CLEC2A: variants seen among roughly 807,000 people sequenced by gnomAD.
The protein encoded by CLEC2A is C-type lectin domain family 2 member A.
CLEC2A carries 19 observed loss-of-function variants against 18.6 expected under a neutral mutation model. The observed-to-expected ratio is 1.02, with a 90% CI of 0.71 to 1.50. CLEC2A has a LOEUF of 1.50. Ranked by LOEUF, CLEC2A falls within the 40% of genes most tolerant of loss-of-function variation. CLEC2A has a pLI of 0.00. For missense variants in CLEC2A, 190 were observed against 207.9 expected, an observed-to-expected ratio of 0.91 and a Z score of 0.53; for synonymous variants, 74 against 64.0, an observed-to-expected ratio of 1.16 and a Z score of -0.75.
At chr12:9,924,766 A>G (rs7135016) in intron 2 of CLEC2A, among the ~76,000 whole-genome samples, 1 of 152,192 alleles carries the variant, frequency 6.6e-6, no homozygotes, top group Non-Finnish European at 1.5e-5. Context: ...AGTTCAGAAC[A>G]TGATGCCCCG....
chr12:9,922,110 A>T lies in CLEC2A; in HGVS notation c.262T>A (p.Leu88Met), dbSNP rs566191703. 5.4e-5 allele frequency: 83 copies of T among 1,550,558 alleles called. No individual in the cohort carries two copies. In the East Asian group the frequency reaches 1.9e-3, roughly 35 times the overall value. Residue 88 changes from leucine (L) to methionine (M), a missense_variant, in exon 3 of 5, where the codon TTG (leucine) becomes ATG (methionine). Physicochemically the swap from Leu to Met is conservative, Grantham distance 15. Coordinates refer to ENST00000455827, the MANE Select transcript of CLEC2A (RefSeq NM_001130711.2). The stretch of plus-strand genomic sequence containing the variant: ...ATCTGAGCAAGTTCTGCTTTCTGCA[A>T]ACTACAAAATATTTTACTGGCTGTC... Reference protein sequence around the residue: ...NWTASKIFCSLQKAELAQIDT... With the variant: ...NWTASKIFCSMQKAELAQIDT...
intron 4 of CLEC2A, among the ~76,000 whole-genome samples, chr12:9,906,621 G>T (rs1862911471): frequency 6.6e-6 from 1 of 152,114 alleles, no homozygotes; most frequent in Non-Finnish European, 1.5e-5. Flanking sequence ...TTTAAAGCCT[G>T]GCTTAATGCA....
intron 4 of CLEC2A, 75 bp from the exon 5 acceptor site, chr12:9,913,755 A>G (rs886726738): frequency 1.6e-5 from 15 of 938,398 alleles, no homozygotes; most frequent in Middle Eastern, 2.1e-4. Flanking sequence ...TAATAGAGTG[A>G]TTTTAAATAT....
At chr12:9,896,797 G>A (rs1199668927), downstream of CLEC2A, among the ~76,000 whole-genome samples, 1 of 150,880 alleles carries the variant, frequency 6.6e-6, no homozygotes, top group Non-Finnish European at 1.5e-5. Flanking sequence ...ATGTCCTTAT[G>A]TTCTTTTGTG....
Position 9,922,171 on chromosome 12 carries a change from A to T in CLEC2A, c.201T>A (p.Asp67Glu), listed in dbSNP as rs1329678879. The change falls in exon 3 of 5, where the codon GAT becomes GAA. Residue 67 changes from aspartate (D) to glutamate (E), a missense_variant. Physicochemically the swap from Asp to Glu is conservative, Grantham distance 45. Coordinates refer to ENST00000455827, the MANE Select transcript of CLEC2A (RefSeq NM_001130711.2). ...TATCATCAGAAAAATAGAAACACTT[A>T]TCTCTCACTCCAAGCCAGTCCCCTG... is the stretch of plus-strand genomic sequence containing the variant. ...ACSGDWLGVR[D>E]KCFYFSDDTR... The T allele has an allele frequency of 1.9e-6, 3 of 1,551,240 alleles. No individual in the cohort carries two copies. The highest frequency in any genetic ancestry group is 2.6e-6 in the Non-Finnish European group (3 of 1,146,728).
intron 2 of CLEC2A, among the ~76,000 whole-genome samples, chr12:9,925,152 C>T (rs565243577): frequency 2.2e-4 from 34 of 152,308 alleles, no homozygotes; most frequent in African/African-American, 8.2e-4. Context: ...ATAAGGAAGA[C>T]GTGCATGTCA....
the CLEC2A span, among the ~76,000 whole-genome samples, chr12:9,887,790 G>A: frequency 6.7e-6 from 1 of 149,260 alleles, no homozygotes; most frequent in Non-Finnish European, 1.5e-5. Context: ...TGGAGCTCAT[G>A]CCTGTAATCC....
the CLEC2A span, among the ~76,000 whole-genome samples, chr12:9,878,229 C>T: frequency 3.3e-5 from 5 of 152,114 alleles, no homozygotes; most frequent in Admixed American, 3.3e-4. Context: ...TGGAGACTTC[C>T]TTTTATTAAC....
At chr12:9,922,006 TTTA>T in intron 3 of CLEC2A, 57 bp downstream of exon 3, 7 of 1,344,742 alleles carry the variant, frequency 5.2e-6, no homozygotes, top group Non-Finnish European at 7.1e-6. Context: ...CTATTATTGT[TTTA>T]TTATGTTTTT....
intron 4 of CLEC2A, among the ~76,000 whole-genome samples, chr12:9,916,153 C>A (rs528499786): frequency 6.6e-6 from 1 of 151,918 alleles, no homozygotes; most frequent in Admixed American, 6.6e-5. Flanking sequence ...CAATCCTCAA[C>A]CATTTTAACC....
chr12:9,905,873 C>T (rs767679879), intron 4 of CLEC2A, among the ~76,000 whole-genome samples: 12 of 152,074 alleles, frequency 7.9e-5, no homozygotes, highest in South Asian at 2.1e-4. Context: ...AGCTTCTACC[C>T]GGTAAATGAG....
At chr12:9,923,473 G>A (rs1863208070) in intron 2 of CLEC2A, among the ~76,000 whole-genome samples, 2 of 152,084 alleles carry the variant, frequency 1.3e-5, no homozygotes, top group Admixed American at 6.6e-5. Context: ...CTTTTACACT[G>A]TTGGTGGGAC....
intron 4 of CLEC2A, among the ~76,000 whole-genome samples, chr12:9,914,982 G>C (rs1304466965): frequency 6.6e-6 from 1 of 151,358 alleles, no homozygotes; most frequent in African/African-American, 2.4e-5. Context: ...TAATATCCAG[G>C]ATCTACAAGG....
chr12:9,895,795 G>A (rs1393311559), downstream of CLEC2A: 3 of 1,535,426 alleles, frequency 2.0e-6, no homozygotes, highest in African/African-American at 4.1e-5. Flanking sequence ...TTGCCAGAGA[G>A]ATGCGATCTT....
the CLEC2A span, among the ~76,000 whole-genome samples, chr12:9,878,345 A>C: frequency 6.6e-6 from 1 of 152,136 alleles, no homozygotes; most frequent in East Asian, 1.9e-4. Context: ...CCTTAAAGAT[A>C]CTCTTTTGTT....
At chr12:9,930,728 G>T (rs1003899762) in intron 1 of CLEC2A, among the ~76,000 whole-genome samples, 1 of 151,680 alleles carries the variant, frequency 6.6e-6, no homozygotes, top group Non-Finnish European at 1.5e-5. Flanking sequence ...TTTCCTATCC[G>T]CTATTCTTTT....
downstream of CLEC2A, among the ~76,000 whole-genome samples, chr12:9,911,008 T>A (rs74063394): frequency 6.6e-6 from 1 of 152,332 alleles, no homozygotes; most frequent in Non-Finnish European, 1.5e-5. Flanking sequence ...GGGTGCTGCC[T>A]GCATCAGCCA....
At chr12:9,888,759 G>A in the CLEC2A span, 2 of 1,505,112 alleles carry the variant, frequency 1.3e-6, no homozygotes, top group Non-Finnish European at 1.8e-6. Flanking sequence ...CTCCCAGAAT[G>A]TAAACGTCAG....
chr12:9,887,426 C>G, the CLEC2A span, among the ~76,000 whole-genome samples: 5 of 152,190 alleles, frequency 3.3e-5, no homozygotes, highest in Non-Finnish European at 7.3e-5. Context: ...AAAGATTCTA[C>G]TGGAGCAATG....
Sources: gnomAD v4.1 joint callset for allele counts (sites outside exome capture counted in the v4.1 genomes callset) on GRCh38, gnomAD v4.1.1 for gene constraint, MANE v1.5 for transcripts, NCBI Gene and HGNC (gene_info 2026-07-23, HGNC 2026-07-21) for gene names.